CBFA2T2: variants seen among roughly 807,000 people sequenced by gnomAD.
The protein encoded by CBFA2T2 is CBFA2/RUNX1 partner transcriptional co-repressor 2, also known as protein CBFA2T2.
In CBFA2T2, 11 loss-of-function variants were observed where a neutral mutation model predicts 62.2. The observed-to-expected ratio is 0.18, with a 90% confidence interval of 0.11 to 0.29. The LOEUF is 0.29. CBFA2T2 is among the 10% of genes least tolerant of loss of function. The pLI is 1.00. For missense variants in CBFA2T2, 592 were observed against 774.1 expected, an observed-to-expected ratio of 0.76 and a Z score of 2.79; for synonymous variants, 295 against 287.5, an observed-to-expected ratio of 1.03 and a Z score of -0.27.
At chr20:33,600,746 C>T (rs1385587893) in intron 1 of CBFA2T2, among the ~76,000 whole-genome samples, 2 of 152,004 alleles carry the variant, frequency 1.3e-5, no homozygotes, top group East Asian at 3.9e-4. Context: ...CTTTATTTTC[C>T]CAGTACTGTA....
At chr20:33,524,357 AT>A (rs1330952191) in intron 1 of CBFA2T2, among the ~76,000 whole-genome samples, 1 of 152,036 alleles carries the variant, frequency 6.6e-6, no homozygotes, top group Non-Finnish European at 1.5e-5. Context: ...TGATTTTTGG[AT>A]TCTGTGGATT....
In CBFA2T2 at chr20:33,649,376, G is replaced by T. The variant is rs973135721; in HGVS notation, c.*4730G>T. On this transcript the variant is annotated 3_prime_UTR_variant, in exon 11 of 11. Coordinates refer to ENST00000342704, the MANE Select transcript of CBFA2T2 (RefSeq NM_001032999.3). The stretch of plus-strand genomic sequence containing the variant: ...GTAGTTCTTGTGAAACCAAAACGTT[G>T]ACTACCTGCCTCTTTCCTCGGGCAT... 1.5e-4 allele frequency: 23 copies of T among 152,642 alleles called. No homozygotes were observed. Among genetic ancestry groups the T allele is most frequent in the African/African-American group, 5.1e-4 (21 of 41,448 alleles). 9.5% of individuals were successfully genotyped at this position (152,642 alleles called of 1,614,324 possible). A position where few individuals can be genotyped will look rare whatever the true frequency, so the allele number is the denominator to read the frequency against.
Position 33,637,966 on chromosome 20 carries a change from C to CTTTT in CBFA2T2, c.1297+1281_1297+1284dup, listed in dbSNP as rs67124335. 2.1e-4 allele frequency among the ~76,000 whole-genome samples: 14 copies of CTTTT among 66,798 alleles called. 2 individuals carry two copies. The East Asian group carries it at 3.6e-3, about 17-fold the overall frequency. 43.8% of individuals were successfully genotyped at this position (66,798 alleles called of 152,430 possible). A position where few individuals can be genotyped will look rare whatever the true frequency, so the allele number is the denominator to read the frequency against. On this transcript the variant is annotated intron_variant, in intron 9 of 10. Coordinates refer to ENST00000342704, the MANE Select transcript of CBFA2T2 (RefSeq NM_001032999.3). ...ACAGACGTGAGCCACTGCACCCGGC[C>CTTTT]TTTTTTTTTTTTTTTTTTTTTTTTT...
chr20:33,640,240 A>C (rs2016778840), intron 9 of CBFA2T2, 101 bp from the exon 10 acceptor site: 1 of 1,089,578 alleles, frequency 9.2e-7, no homozygotes, highest in East Asian at 2.6e-5. Context: ...GGAGTTTTAG[A>C]AAAGATCACT....
intron 1 of CBFA2T2, among the ~76,000 whole-genome samples, chr20:33,497,547 C>CTTTTTTTTTTTT (rs756491939): frequency 8.7e-6 from 1 of 114,656 alleles, no homozygotes; most frequent in Non-Finnish European, 1.7e-5. Flanking sequence ...AGCTTGTATA[C>CTTTTTTTTTTTT]TTTTTTTTTT....
At chr20:33,596,750 T>A (rs2014909395) in intron 1 of CBFA2T2, among the ~76,000 whole-genome samples, 1 of 152,164 alleles carries the variant, frequency 6.6e-6, no homozygotes, top group Non-Finnish European at 1.5e-5. Flanking sequence ...TATATCCAGC[T>A]GCTTATCCAG....
chr20:33,631,332 C>A (rs1221196955), intron 8 of CBFA2T2, among the ~76,000 whole-genome samples: 2 of 152,096 alleles, frequency 1.3e-5, no homozygotes, highest in Admixed American at 1.3e-4. Flanking sequence ...AAACAAAAAA[C>A]TCCAAAAACA....
chr20:33,571,893 G>T (rs1358131738), intron 1 of CBFA2T2, among the ~76,000 whole-genome samples: 2 of 152,072 alleles, frequency 1.3e-5, no homozygotes, highest in African/African-American at 4.8e-5. Context: ...TTGTTTGTTT[G>T]GTTTGTTTGG....
chr20:33,574,038 G>C (rs1321295099), intron 1 of CBFA2T2: 1 of 1,317,682 alleles, frequency 7.6e-7, no homozygotes, highest in East Asian at 2.9e-5. Context: ...ATCTTCCCAT[G>C]TTGGCTGCCC....
intron 5 of CBFA2T2, chr20:33,623,955 A>G (rs775835578): frequency 3.0e-4 from 66 of 219,440 alleles, no homozygotes; most frequent in Middle Eastern, 2.9e-3. Flanking sequence ...AAAGAATTGG[A>G]AAAAAAAAAA....
Position 33,648,282 on chromosome 20 carries a change from A to G in CBFA2T2, c.*3636A>G, listed in dbSNP as rs1278128840. The G allele has an allele frequency of 6.6e-6, 1 of 152,286 alleles. No homozygotes were observed. Among genetic ancestry groups the G allele is most frequent in the Admixed American group, 6.5e-5 (1 of 15,280 alleles). 9.4% of individuals were successfully genotyped at this position (152,286 alleles called of 1,614,324 possible). On this transcript the variant is annotated 3_prime_UTR_variant, in exon 11 of 11. Transcript: ENST00000342704. ...GACTGGCCATCAGCCAGACATGTCT[A>G]GGGTGAGACCAGTGCTCAGCACCAC...
intron 1 of CBFA2T2, among the ~76,000 whole-genome samples, chr20:33,580,412 C>T (rs1482277749): frequency 6.6e-6 from 1 of 152,148 alleles, no homozygotes; most frequent in African/African-American, 2.4e-5. Flanking sequence ...ATGAACGTGG[C>T]CCCAACTCTC....
chr20:33,586,524 C>T (rs1369843767), intron 1 of CBFA2T2, among the ~76,000 whole-genome samples: 1 of 152,172 alleles, frequency 6.6e-6, no homozygotes, highest in Non-Finnish European at 1.5e-5. Context: ...CTCATTCTAT[C>T]TTTCTCTGAG....
In CBFA2T2 at chr20:33,629,783, G is replaced by A. The variant is rs765644628; in HGVS notation, c.1097G>A (p.Cys366Tyr). ...TRRSMAVLRR[C>Y]QESDREELNY... ...CGCTCTATGGCAGTTCTGCGGCGCT[G>A]TCAGGAATCAGATCGTGAAGAACTC... is the stretch of plus-strand genomic sequence containing the variant. Residue 366 changes from cysteine (C) to tyrosine (Y), a missense_variant, in exon 8 of 11, where the codon TGT becomes TAT. This residue lies in a region of CBFA2T2 where 449 missense variants were observed against 551.2 expected (regional missense o/e 0.81). Transcript: ENST00000342704. 6.2e-7 allele frequency: 1 copy of A among 1,614,036 alleles called. No homozygotes were observed. Among genetic ancestry groups the A allele is most frequent in the African/African-American group, 1.3e-5 (1 of 74,882 alleles).
In CBFA2T2 at chr20:33,626,784, G is replaced by A. The variant is rs561119784; in HGVS notation, c.947-1566G>A. On this transcript the variant is annotated intron_variant, in intron 6 of 10. Transcript: ENST00000342704. ...AGTGGGGCCCCTGGCATCATGTAGT[G>A]GGATAGTAGCTGAATAGGGAAGGCT... Among the ~76,000 whole-genome samples, 3 of 152,294 alleles carry A rather than the reference G, an allele frequency of 2.0e-5. No homozygotes were observed. In the South Asian group the frequency reaches 6.2e-4, roughly 32 times the overall value.
At chr20:33,625,908 CTGG>C in intron 6 of CBFA2T2, among the ~76,000 whole-genome samples, 1 of 152,160 alleles carries the variant, frequency 6.6e-6, no homozygotes. Context: ...GGAGACCAAT[CTGG>C]CTAATACAGT....
chr20:33,620,876 C>G (rs929160878), intron 4 of CBFA2T2, among the ~76,000 whole-genome samples: 11 of 152,158 alleles, frequency 7.2e-5, no homozygotes, highest in African/African-American at 2.7e-4. Context: ...TACTTAAATA[C>G]AGGTATCAAA....
intron 1 of CBFA2T2, among the ~76,000 whole-genome samples, chr20:33,606,601 G>A (rs73259814): frequency 0.011 from 1,729 of 151,982 alleles, 36 homozygotes; most frequent in African/African-American, 0.04. Context: ...TGCCTCTGTC[G>A]CCACTTGGTG....
At chr20:33,513,799 G>A (rs1296537722) in intron 1 of CBFA2T2, among the ~76,000 whole-genome samples, 1 of 119,368 alleles carries the variant, frequency 8.4e-6, no homozygotes, top group Non-Finnish European at 1.7e-5. Flanking sequence ...GGGTGACAGA[G>A]TAAGACTCTG....
Sources: gnomAD v4.1 joint callset for allele counts (sites outside exome capture counted in the v4.1 genomes callset) on GRCh38, gnomAD v4.1.1 for gene constraint, gnomAD v4.1.1 regional missense constraint, MANE v1.5 for transcripts, NCBI Gene and HGNC (gene_info 2026-07-23, HGNC 2026-07-21) for gene names.